The following TNR variants were observed in gnomAD, a reference collection of about 807,000 sequenced individuals.
TNR encodes the protein tenascin-R.
In TNR, 45 loss-of-function variants were observed where a neutral mutation model predicts 150.4. The ratio of observed to expected loss-of-function variants is 0.30; its 90% CI spans 0.24 to 0.38. The LOEUF (loss-of-function observed/expected upper bound fraction) is 0.38. Ranked by LOEUF, TNR falls within the 10% of genes least tolerant of loss-of-function variation. The probability of loss-of-function intolerance (pLI) is 1.00; values close to 1 mark genes in which losing one functional copy is unlikely to be tolerated. For missense variants in TNR, 1,544 were observed against 1,759.1 expected, an observed-to-expected ratio of 0.88 and a Z score of 2.19; for synonymous variants, 687 against 678.4, an observed-to-expected ratio of 1.01 and a Z score of -0.20.
At chr1:175,414,377 T>C (rs1364967213) in intron 2 of TNR, among the ~76,000 whole-genome samples, 1 of 151,598 alleles carries the variant, frequency 6.6e-6, no homozygotes, top group Admixed American at 6.6e-5. Context: ...ACTGTGAAAA[T>C]ATAAACCTGA....
intron 8 of TNR, among the ~76,000 whole-genome samples, chr1:175,380,160 T>C (rs1223929375): frequency 6.6e-6 from 1 of 152,184 alleles, no homozygotes; most frequent in Non-Finnish European, 1.5e-5. Context: ...TTTCAAGGTT[T>C]TGAAGTGTAA....
chr1:175,408,316 G>A (rs1314071273), intron 2 of TNR, among the ~76,000 whole-genome samples: 1 of 152,216 alleles, frequency 6.6e-6, no homozygotes, highest in Non-Finnish European at 1.5e-5. Context: ...AATGCTCAGT[G>A]AGCAAAAGGT....
chr1:175,725,504 G>A (rs915180069), intron 1 of TNR, among the ~76,000 whole-genome samples: 4 of 152,156 alleles, frequency 2.6e-5, no homozygotes, highest in African/African-American at 9.7e-5. Context: ...ACACATCCCA[G>A]ATGTCAACAT....
At chr1:175,341,875 C>G (rs953656242) in intron 18 of TNR, among the ~76,000 whole-genome samples, 1 of 152,200 alleles carries the variant, frequency 6.6e-6, no homozygotes, top group African/African-American at 2.4e-5. Flanking sequence ...GGTTGACTCT[C>G]CCTTGTTAGA....
At chr1:175,370,378 G>A (rs1299464684) in intron 9 of TNR, among the ~76,000 whole-genome samples, 1 of 88,574 alleles carries the variant, frequency 1.1e-5, no homozygotes, top group Non-Finnish European at 1.9e-5. Context: ...TTGGTGAGTG[G>A]TCTCATCAAC....
intron 1 of TNR, among the ~76,000 whole-genome samples, chr1:175,611,669 T>A (rs1279618365): frequency 6.6e-6 from 1 of 152,166 alleles, no homozygotes; most frequent in Non-Finnish European, 1.5e-5. Flanking sequence ...CTCTTTCTTT[T>A]CCCTCATGTT....
chr1:175,648,825 C>G (rs1347933858), intron 1 of TNR, among the ~76,000 whole-genome samples: 1 of 152,150 alleles, frequency 6.6e-6, no homozygotes, highest in Non-Finnish European at 1.5e-5. Context: ...TGCTGTCTAC[C>G]CAGATGCTTA....
chr1:175,585,471 T>TCC (rs1333440857), intron 1 of TNR, among the ~76,000 whole-genome samples: 1 of 152,218 alleles, frequency 6.6e-6, no homozygotes, highest in Non-Finnish European at 1.5e-5. Flanking sequence ...ACTACTATTA[T>TCC]TCCCATTTTA....
intron 2 of TNR, among the ~76,000 whole-genome samples, chr1:175,412,177 C>A (rs1654241810): frequency 6.6e-6 from 1 of 152,128 alleles, no homozygotes; most frequent in Non-Finnish European, 1.5e-5. Context: ...GGCAGATGAG[C>A]CAAGACTGAA....
chr1:175,575,036 C>T (rs1662044265), intron 1 of TNR, among the ~76,000 whole-genome samples: 1 of 152,218 alleles, frequency 6.6e-6, no homozygotes, highest in Non-Finnish European at 1.5e-5. Flanking sequence ...GTATCTCTTG[C>T]TCTCTGCCTT....
intron 2 of TNR, among the ~76,000 whole-genome samples, chr1:175,491,720 G>A (rs542848040): frequency 1.6e-3 from 219 of 133,950 alleles, no homozygotes; most frequent in African/African-American, 5.6e-3. Flanking sequence ...CGTGATCTCC[G>A]CTCACTGCAA....
rs182906401 is a variant in TNR at position 175,454,512 on chromosome 1, C to T, written c.-63-47735G>A. ...TTGAGACAGAGTCTCGCTCTGTTGC[C>T]CAGGCTGGAGTGCAATGGCGCAATC... On this transcript the variant is annotated intron_variant, in intron 2 of 22. Transcript: ENST00000367674. Among the ~76,000 whole-genome samples the T allele has an allele frequency of 1.4e-3, 208 of 152,200 alleles. 1 individual carries two copies. The highest frequency in any genetic ancestry group is 3.4e-3 in the Middle Eastern group (1 of 294).
intron 1 of TNR, among the ~76,000 whole-genome samples, chr1:175,690,511 G>T (rs1176849157): frequency 1.3e-5 from 2 of 152,234 alleles, no homozygotes; most frequent in African/African-American, 4.8e-5. Flanking sequence ...ACACAGCTCA[G>T]TCCCCAGGTG....
chr1:175,590,932 A>G (rs1298670765), intron 1 of TNR, among the ~76,000 whole-genome samples: 1 of 152,238 alleles, frequency 6.6e-6, no homozygotes, highest in Non-Finnish European at 1.5e-5. Flanking sequence ...TATAGCAGAC[A>G]GGGCAAGTCA....
At chr1:175,505,776 C>T (rs1339680672) in intron 2 of TNR, among the ~76,000 whole-genome samples, 1 of 152,246 alleles carries the variant, frequency 6.6e-6, no homozygotes, top group Non-Finnish European at 1.5e-5. Context: ...CATGGTGGCT[C>T]ACCTGAGCCA....
At chr1:175,580,421 C>G (rs1051444842) in intron 1 of TNR, among the ~76,000 whole-genome samples, 18 of 152,294 alleles carry the variant, frequency 1.2e-4, no homozygotes, top group African/African-American at 4.1e-4. Context: ...TACAGAGATC[C>G]AAGGGAGGGC....
chr1:175,566,127 A>G (rs561828272), intron 1 of TNR, among the ~76,000 whole-genome samples: 4 of 152,356 alleles, frequency 2.6e-5, no homozygotes, highest in Admixed American at 2.6e-4. Context: ...AGAAGACCAC[A>G]TTAGCTTGGG....
intron 1 of TNR, among the ~76,000 whole-genome samples, chr1:175,655,289 G>A (rs1397458489): frequency 1.3e-5 from 2 of 152,170 alleles, no homozygotes; most frequent in Non-Finnish European, 2.9e-5. Context: ...TGCTACTTCC[G>A]AAAGTTAATT....
chr1:175,356,339 A>G lies in TNR; in HGVS notation c.3098T>C (p.Ile1033Thr). ...ATNGPLTSGT[I>T]STNFSTLLDP... Reference sequence around the variant, plus strand: ...CTCACGAGTAGAAAAGTTGGTGCTGATGGTGCCACTGGTGAGAGGTCCATT... The same window carrying G: ...CTCACGAGTAGAAAAGTTGGTGCTGGTGGTGCCACTGGTGAGAGGTCCATT... The change falls in exon 16 of 23, where the codon ATC (isoleucine) becomes ACC (threonine). Residue 1033 changes from isoleucine to threonine, a missense_variant. Coordinates refer to ENST00000367674, the MANE Select transcript of TNR (RefSeq NM_003285.3). The G allele has an allele frequency of 1.2e-6, 2 of 1,614,032 alleles. No homozygotes were observed. Among genetic ancestry groups the G allele is most frequent in the Non-Finnish European group, 8.5e-7 (1 of 1,179,930 alleles).
Sources: allele counts gnomAD v4.1 joint callset (sites outside exome capture counted in the v4.1 genomes callset), GRCh38; gene constraint gnomAD v4.1.1; transcripts MANE v1.5; gene names NCBI Gene and HGNC (gene_info 2026-07-23, HGNC 2026-07-21).